CROT: variants seen among roughly 807,000 people sequenced by gnomAD.
The protein encoded by CROT is carnitine O-octanoyltransferase.
CROT carries 84 observed loss-of-function variants against 89.2 expected under a neutral mutation model. The observed-to-expected ratio is 0.94, with a 90% CI of 0.79 to 1.13. The LOEUF is 1.13. Ranked by LOEUF, CROT falls within the 50% of genes most tolerant of loss-of-function variation. The pLI is 0.00. For missense variants in CROT, 711 were observed against 727.8 expected, an observed-to-expected ratio of 0.98 and a Z score of 0.27; for synonymous variants, 212 against 239.5, an observed-to-expected ratio of 0.89 and a Z score of 1.06.
At chr7:87,363,750 A>G (rs1338891977) in intron 6 of CROT, among the ~76,000 whole-genome samples, 2 of 152,222 alleles carry the variant, frequency 1.3e-5, no homozygotes, top group Non-Finnish European at 2.9e-5. Context: ...CTACTGTTTG[A>G]AGAATAGACT....
rs534765866 is a variant in CROT at position 87,380,353 on chromosome 7, A to C, written c.979-1557A>C. Among the ~76,000 whole-genome samples, 218 of 151,842 alleles carry C rather than the reference A, an allele frequency of 1.4e-3. 1 individual carries two copies. Among genetic ancestry groups the C allele is most frequent in the Non-Finnish European group, 2.5e-3 (167 of 67,552 alleles). On this transcript the variant is annotated intron_variant, in intron 10 of 17. Coordinates refer to ENST00000331536, the MANE Select transcript of CROT (RefSeq NM_021151.4). ...GAAGCATGTAAAAACTTTAGTTAATAATAACAATAGTTACTAATTATTGCT... is the reference window on the plus strand; with the variant it reads ...GAAGCATGTAAAAACTTTAGTTAATCATAACAATAGTTACTAATTATTGCT...
chr7:87,369,043 C>G (rs541549407), intron 6 of CROT, among the ~76,000 whole-genome samples: 1 of 152,292 alleles, frequency 6.6e-6, no homozygotes, highest in Admixed American at 6.5e-5. Context: ...TGGCTGTCCT[C>G]CAAGATTCCA....
intron 17 of CROT, among the ~76,000 whole-genome samples, chr7:87,397,849 C>T (rs1206408691): frequency 6.6e-6 from 1 of 152,196 alleles, no homozygotes; most frequent in Non-Finnish European, 1.5e-5. Flanking sequence ...AGAAGCATTA[C>T]ATTGCACATT....
chr7:87,359,996 A>AT (rs1221594972), intron 4 of CROT: 50 of 979,984 alleles, frequency 5.1e-5, no homozygotes, highest in Admixed American at 6.2e-5. Flanking sequence ...AAGCAAGCTG[A>AT]TTTTTTTTGA....
chr7:87,361,851 T>G lies in CROT; in HGVS notation c.546T>G (p.Thr182=). ...ACTCCATTATGAATTATTTTAGGAC[T>G]GGTAAGTAAAAATGCAGATATCGTT... ...TRDSIMNYFR[T]ESEGRSPNHI... The change falls in exon 6 of 18, where the codon ACT becomes ACG. Residue 182 remains threonine (T), a splice_region_variant and synonymous_variant. Transcript: ENST00000331536. The G allele has an allele frequency of 6.3e-7, 1 of 1,576,456 alleles. No homozygotes were observed. Among genetic ancestry groups the G allele is most frequent in the African/African-American group, 1.4e-5 (1 of 72,874 alleles).
chr7:87,397,223 C>T (rs1182590666), intron 17 of CROT, among the ~76,000 whole-genome samples: 3 of 151,924 alleles, frequency 2.0e-5, no homozygotes, highest in African/African-American at 7.3e-5. Flanking sequence ...TGGTAGCACA[C>T]ACCTGTAGTC....
rs775107161 is a variant in CROT, at chr7:87,361,493, C to A, written c.344C>A (p.Pro115His). ...GPAAHFEHYW[P>H]PKEGTQLERG... is the part of the protein sequence containing the mutation. ...GCAGCTCATTTTGAACACTACTGGC[C>A]TCCAAAGGAAGGGACTCAATTAGAA... Residue 115 changes from proline to histidine, a missense_variant, in exon 5 of 18, where the codon CCT becomes CAT. Coordinates refer to ENST00000331536, the MANE Select transcript of CROT (RefSeq NM_021151.4). The A allele has an allele frequency of 2.3e-5, 37 of 1,613,320 alleles. No individual in the cohort carries two copies. The highest frequency in any genetic ancestry group is 8.5e-7 in the Non-Finnish European group (1 of 1,179,864).
rs558354930 is a variant in CROT, at chr7:87,357,408, A to G, written c.116-1798A>G. The G allele has an allele frequency of 1.8e-5, 26 of 1,475,582 alleles. No individual in the cohort carries two copies. The African/African-American group carries it at 3.2e-4, about 18-fold the overall frequency. The allele number at this position is 1,475,582 out of a possible 1,614,324, so 91.4% of individuals were successfully genotyped here. A position where few individuals can be genotyped will look rare whatever the true frequency, so the allele number is the denominator to read the frequency against. Reference sequence around the variant, plus strand: ...TTGGGCTAGAAATATTATCCTTGATAGGATGCCAAGACAGACCCCATTTAT... The same window carrying G: ...TTGGGCTAGAAATATTATCCTTGATGGGATGCCAAGACAGACCCCATTTAT... On this transcript the variant is annotated intron_variant, in intron 3 of 17. Coordinates refer to ENST00000331536, the MANE Select transcript of CROT (RefSeq NM_021151.4).
intron 13 of CROT, among the ~76,000 whole-genome samples, chr7:87,391,112 C>T (rs1562939573): frequency 6.6e-6 from 1 of 152,246 alleles, no homozygotes. Flanking sequence ...GGGTCACCCT[C>T]AGTTTTCTGC....
In CROT at chr7:87,393,019, C is replaced by T; in HGVS notation, c.1670C>T (p.Pro557Leu). ...GYLRVQGVVV[P>L]MVHNGYGFFY... is the part of the protein sequence containing the mutation. ...TTACGAGTCCAGGGAGTGGTAGTTC[C>T]CATGGTACACAATGGTTATGGATTT... is the stretch of plus-strand genomic sequence containing the variant. Residue 557 changes from proline (P) to leucine (L), a missense_variant, in exon 17 of 18, where the codon CCC becomes CTC. Coordinates refer to ENST00000331536, the MANE Select transcript of CROT (RefSeq NM_021151.4). The T allele has an allele frequency of 3.7e-6, 6 of 1,613,488 alleles. No homozygotes were observed. Among genetic ancestry groups the T allele is most frequent in the African/African-American group, 1.3e-5 (1 of 74,974 alleles).
chr7:87,355,434 ATC>A (rs1029582419), intron 3 of CROT, among the ~76,000 whole-genome samples: 1 of 151,992 alleles, frequency 6.6e-6, no homozygotes, highest in Non-Finnish European at 1.5e-5. Context: ...CTTTCTTCAC[ATC>A]TCTCTCTCCC....
At chr7:87,353,972 T>C (rs934766935) in intron 3 of CROT, among the ~76,000 whole-genome samples, 9 of 152,252 alleles carry the variant, frequency 5.9e-5, no homozygotes, top group Non-Finnish European at 1.0e-4. Flanking sequence ...AAAAAGATTC[T>C]ACAGTCTTGT....
At chr7:87,354,686 G>A (rs749045105) in intron 3 of CROT, among the ~76,000 whole-genome samples, 45 of 152,162 alleles carry the variant, frequency 3.0e-4, no homozygotes, top group Non-Finnish European at 5.3e-4. Context: ...GCAAAAAGCA[G>A]TGAGACACAG....
At chr7:87,385,510 G>T (rs773998961) in intron 13 of CROT, among the ~76,000 whole-genome samples, 1 of 152,032 alleles carries the variant, frequency 6.6e-6, no homozygotes, top group Non-Finnish European at 1.5e-5. Context: ...TTTGCATATA[G>T]AAATGCTACT....
At chr7:87,368,959 A>C (rs1173724358) in intron 6 of CROT, among the ~76,000 whole-genome samples, 1 of 152,250 alleles carries the variant, frequency 6.6e-6, no homozygotes, top group Non-Finnish European at 1.5e-5. Context: ...TCATAGCTAG[A>C]TATTACTGCA....
At chr7:87,371,005 G>C (rs1193901002) in intron 7 of CROT, among the ~76,000 whole-genome samples, 1 of 152,204 alleles carries the variant, frequency 6.6e-6, no homozygotes, top group Admixed American at 6.5e-5. Flanking sequence ...AATACACAGA[G>C]TAGAAGATGT....
chr7:87,392,477 C>T (rs1775955486), intron 14 of CROT, 89 bp from the exon 15 acceptor site: 2 of 961,578 alleles, frequency 2.1e-6, no homozygotes, highest in Admixed American at 2.0e-5. Flanking sequence ...CCCAAATTAC[C>T]CCAATCCTAA....
intron 3 of CROT, among the ~76,000 whole-genome samples, chr7:87,349,462 C>T (rs75891655): frequency 0.05 from 7,604 of 152,072 alleles, 459 homozygotes; most frequent in African/African-American, 0.14. Flanking sequence ...CTAAGCTGTG[C>T]CTATGTGAGG....
At chr7:87,391,540 T>C (rs776366982) in intron 13 of CROT, 49 bp from the exon 14 acceptor site, 1 of 1,551,234 alleles carries the variant, frequency 6.4e-7, no homozygotes, top group South Asian at 1.2e-5. Flanking sequence ...TGTAATGATA[T>C]TAGAGCATTT....
Sources: allele counts gnomAD v4.1 joint callset (sites outside exome capture counted in the v4.1 genomes callset), GRCh38; gene constraint gnomAD v4.1.1; transcripts MANE v1.5; gene names NCBI Gene and HGNC (gene_info 2026-07-23, HGNC 2026-07-21).